APP: variants seen among roughly 807,000 people sequenced by gnomAD.
The protein encoded by APP is amyloid beta precursor protein, also known as amyloid-beta precursor protein.
Under a neutral mutation model 101.4 loss-of-function variants are expected in APP, and 31 were observed. The observed-to-expected ratio is 0.31, with a 90% CI of 0.23 to 0.41. The LOEUF (loss-of-function observed/expected upper bound fraction) is 0.41. Among genes scored for constraint, APP ranks in the 10% least tolerant of loss-of-function variants. APP has a pLI of 1.00. For missense variants in APP, 839 were observed against 1,003.7 expected (o/e 0.84, Z 2.22); for synonymous variants, 366 against 364.4 (o/e 1.00, Z -0.05).
intron 8 of APP, among the ~76,000 whole-genome samples, chr21:25,994,650 A>C (rs997094787): frequency 6.6e-6 from 1 of 152,120 alleles, no homozygotes; most frequent in Non-Finnish European, 1.5e-5. Context: ...CAACCTGTAA[A>C]ACCAACCACC....
chr21:25,997,106 T>C, intron 8 of APP: 2 of 536,972 alleles, frequency 3.7e-6, no homozygotes, highest in Non-Finnish European at 6.7e-6. Context: ...TAATATTCAA[T>C]AAAACCAGAC....
At chr21:25,957,002 A>G (rs565550827) in intron 11 of APP, among the ~76,000 whole-genome samples, 1 of 152,342 alleles carries the variant, frequency 6.6e-6, no homozygotes, top group African/African-American at 2.4e-5. Flanking sequence ...CCAATAACAC[A>G]GTGCTTGACC....
intron 13 of APP, among the ~76,000 whole-genome samples, chr21:25,946,361 C>G (rs2040820612): frequency 6.6e-6 from 1 of 152,102 alleles, no homozygotes. Flanking sequence ...TATAAAAATT[C>G]TTACAACTCA....
intron 13 of APP, among the ~76,000 whole-genome samples, chr21:25,949,535 G>A (rs1600997540): frequency 6.6e-6 from 1 of 152,168 alleles, no homozygotes; most frequent in East Asian, 1.9e-4. Context: ...TAGGGTTACG[G>A]AGGAGCCCAC....
At chr21:26,047,469 T>C (rs1036707026) in intron 5 of APP, among the ~76,000 whole-genome samples, 7 of 152,210 alleles carry the variant, frequency 4.6e-5, no homozygotes, top group African/African-American at 1.7e-4. Flanking sequence ...GCCCACCTTG[T>C]GTGTGGATCA....
rs2063658422 is a variant in APP, at chr21:26,168,171, C to CAACAT, written c.57+2388_57+2392dup. ...GGGTTTGTTAAACTCACACCTCTAT[C>CAACAT]AACATACCAGCCAAAATCATCAACC... On this transcript the variant is annotated intron_variant, in intron 1 of 17. Transcript: ENST00000346798. Among the ~76,000 whole-genome samples, 3 of 152,168 alleles carry CAACAT rather than the reference C, an allele frequency of 2.0e-5. No individual in the cohort carries two copies. The South Asian group carries it at 6.2e-4, about 31-fold the overall frequency.
At chr21:26,090,133 A>T in intron 2 of APP, 61 bp from the exon 3 acceptor site, 1 of 1,607,166 alleles carries the variant, frequency 6.2e-7, no homozygotes, top group Middle Eastern at 1.7e-4. Flanking sequence ...ATTTACAAGC[A>T]TCTAACAAGC....
intron 3 of APP, among the ~76,000 whole-genome samples, chr21:26,058,754 A>G (rs117912812): frequency 0.014 from 2,136 of 152,286 alleles, 32 homozygotes; most frequent in Non-Finnish European, 0.021. Context: ...TGCATAACTT[A>G]GAGAGACCCT....
chr21:25,913,791 ACT>A (rs908161358), intron 13 of APP, among the ~76,000 whole-genome samples: 18 of 150,782 alleles, frequency 1.2e-4, no homozygotes, highest in African/African-American at 3.9e-4. Flanking sequence ...AACTCTTTTT[ACT>A]CTTTTTTTCT....
intron 9 of APP, among the ~76,000 whole-genome samples, chr21:25,980,454 G>T (rs2042386099): frequency 6.6e-6 from 1 of 151,838 alleles, no homozygotes. Flanking sequence ...CCTAAGGAAA[G>T]ATCTGATTTT....
intron 2 of APP, among the ~76,000 whole-genome samples, chr21:26,104,652 A>G (rs375481379): frequency 2.0e-5 from 3 of 152,346 alleles, no homozygotes; most frequent in African/African-American, 7.2e-5. Context: ...TGATAACAAC[A>G]AAACAACCCA....
At chr21:25,987,197 G>T (rs1308917547) in intron 8 of APP, among the ~76,000 whole-genome samples, 1 of 152,146 alleles carries the variant, frequency 6.6e-6, no homozygotes, top group African/African-American at 2.4e-5. Context: ...ACAGAAGTTG[G>T]GTCATAAAGC....
chr21:26,167,941 T>C (rs1197318843), intron 1 of APP, among the ~76,000 whole-genome samples: 5 of 152,194 alleles, frequency 3.3e-5, no homozygotes, highest in Non-Finnish European at 7.3e-5. Flanking sequence ...TGAGCTTTAC[T>C]ATTCTGTGTG....
chr21:25,972,438 T>C (rs2043074282), intron 11 of APP, among the ~76,000 whole-genome samples: 1 of 152,172 alleles, frequency 6.6e-6, no homozygotes, highest in African/African-American at 2.4e-5. Context: ...CTCAATCCAG[T>C]ATTTTTTACC....
chr21:25,939,277 CAA>C (rs1601461123), intron 13 of APP, among the ~76,000 whole-genome samples: 2 of 152,250 alleles, frequency 1.3e-5, no homozygotes, highest in South Asian at 4.1e-4. Context: ...CCTTTCACAT[CAA>C]AGAGATCTAG....
chr21:25,975,245 A>G lies in APP; in HGVS notation c.1300-17T>C, dbSNP rs2042182208. 1.9e-6 allele frequency: 3 copies of G among 1,614,036 alleles called. No individual in the cohort carries two copies. Among genetic ancestry groups the G allele is most frequent in the African/African-American group, 1.3e-5 (1 of 74,928 alleles). ...CTGGAAATGCTGCCATCATAAACAC[A>G]TATGTCCATGGGGACTGAATAAGTA... On this transcript the variant is annotated splice_polypyrimidine_tract_variant and intron_variant, in intron 10 of 17. Coordinates refer to ENST00000346798, the MANE Select transcript of APP (RefSeq NM_000484.4).
intron 8 of APP, among the ~76,000 whole-genome samples, chr21:25,995,654 A>G (rs2043024982): frequency 6.6e-6 from 1 of 152,212 alleles, no homozygotes; most frequent in Admixed American, 6.5e-5. Flanking sequence ...TGTCAACACT[A>G]TAGTGGAATA....
intron 3 of APP, among the ~76,000 whole-genome samples, chr21:26,060,904 C>T (rs926326353): frequency 6.6e-6 from 1 of 152,118 alleles, no homozygotes; most frequent in African/African-American, 2.4e-5. Context: ...ACAGCCAGGA[C>T]AGGACAGGGA....
chr21:26,137,894 T>A (rs1460938071), intron 1 of APP, among the ~76,000 whole-genome samples: 1 of 152,148 alleles, frequency 6.6e-6, no homozygotes, highest in Non-Finnish European at 1.5e-5. Flanking sequence ...TTCCAATGAT[T>A]TTCCTGATGA....
Sources: gnomAD v4.1 joint callset for allele counts (sites outside exome capture counted in the v4.1 genomes callset) on GRCh38, gnomAD v4.1.1 for gene constraint, MANE v1.5 for transcripts, NCBI Gene and HGNC (gene_info 2026-07-23, HGNC 2026-07-21) for gene names.